Variants in NRXN1 observed in about 807,000 individuals in gnomAD.
The protein encoded by NRXN1 is neurexin-1.
A neutral mutation model predicts 150.9 loss-of-function variants in NRXN1; 39 were observed. That is an observed-to-expected ratio of 0.26 (90% CI 0.20 to 0.34). NRXN1 has a LOEUF of 0.34. Ranked by LOEUF, NRXN1 falls within the 10% of genes least tolerant of loss-of-function variation. The pLI is 1.00. For missense variants in NRXN1, 1,815 were observed against 1,949.9 expected (o/e 0.93, Z 1.30); for synonymous variants, 924 against 757.0 (o/e 1.22, Z -3.62).
chr2:50,939,758 C>T (rs1426981171), intron 2 of NRXN1, among the ~76,000 whole-genome samples: 2 of 152,128 alleles, frequency 1.3e-5, no homozygotes, highest in African/African-American at 4.8e-5. Flanking sequence ...CAATTATGCA[C>T]AACAGAAAAA....
At chr2:50,907,020 T>C (rs965145604) in intron 5 of NRXN1, among the ~76,000 whole-genome samples, 4 of 151,974 alleles carry the variant, frequency 2.6e-5, no homozygotes, top group African/African-American at 7.2e-5. Context: ...GCAACCAGAA[T>C]TGCATTTCTC....
At chr2:50,946,163 C>G (rs1168200330) in intron 2 of NRXN1, among the ~76,000 whole-genome samples, 5 of 151,952 alleles carry the variant, frequency 3.3e-5, no homozygotes, top group African/African-American at 7.3e-5. Flanking sequence ...ACCCAAGGTA[C>G]ACTAGTCATG....
chr2:50,366,587 G>A (rs1463401931), intron 17 of NRXN1, among the ~76,000 whole-genome samples: 3 of 151,956 alleles, frequency 2.0e-5, no homozygotes, highest in African/African-American at 7.2e-5. Context: ...TAGAGTGAGA[G>A]TGCCCTTGTG....
chr2:50,062,750 T>C (rs530799844), intron 19 of NRXN1, among the ~76,000 whole-genome samples: 10 of 152,326 alleles, frequency 6.6e-5, no homozygotes, highest in South Asian at 2.1e-4. Flanking sequence ...CACTGATGTA[T>C]AGTTTTTCTC....
intron 19 of NRXN1, among the ~76,000 whole-genome samples, chr2:50,075,134 CT>C (rs2152675065): frequency 1.3e-5 from 2 of 152,296 alleles, no homozygotes; most frequent in South Asian, 4.1e-4. Context: ...CAATTAAAAT[CT>C]GAAACAGACT....
Position 50,987,547 on chromosome 2 carries a change from A to C in NRXN1, c.772+39955T>G, listed in dbSNP as rs189527738. Among the ~76,000 whole-genome samples the C allele has an allele frequency of 9.9e-4, 151 of 152,066 alleles. 1 individual carries two copies. Among genetic ancestry groups the C allele is most frequent in the Middle Eastern group, 3.4e-3 (1 of 294 alleles). ...GGGTTATTACATCTGTGTGTGTCTAAAGTTTATTTAGGAAATCAGAATCTT... is the reference window on the plus strand; with the variant it reads ...GGGTTATTACATCTGTGTGTGTCTACAGTTTATTTAGGAAATCAGAATCTT... On this transcript the variant is annotated intron_variant, in intron 2 of 22. Transcript: ENST00000401669.
intron 15 of NRXN1, among the ~76,000 whole-genome samples, chr2:50,489,343 C>T (rs186096316): frequency 6.6e-6 from 1 of 152,172 alleles, no homozygotes; most frequent in Non-Finnish European, 1.5e-5. Flanking sequence ...GTGGCACTCT[C>T]GCTACCAATC....
chr2:50,088,928 C>T (rs1315009013), intron 19 of NRXN1, among the ~76,000 whole-genome samples: 1 of 152,044 alleles, frequency 6.6e-6, no homozygotes, highest in Middle Eastern at 3.2e-3. Flanking sequence ...GGCATATAGA[C>T]ATTTTTGAAA....
At position 50,212,472 on chromosome 2, in the gene NRXN1, T is replaced by C. The variant is rs561564920; in HGVS notation, c.3546+24317A>G. On this transcript the variant is annotated intron_variant, in intron 18 of 22. Transcript: ENST00000401669. ...GAGCATCGATTTGAGTCTGGTTTTTTTTTTCTCTCTTCTATACACAGCCTC... is the reference window on the plus strand; with the variant it reads ...GAGCATCGATTTGAGTCTGGTTTTTCTTTTCTCTCTTCTATACACAGCCTC... Among the ~76,000 whole-genome samples, 6 of 151,880 alleles carry C rather than the reference T, an allele frequency of 4.0e-5. No individual in the cohort carries two copies. In the East Asian group the frequency reaches 1.2e-3, roughly 29 times the overall value.
At chr2:50,199,558 A>G (rs1574457257) in intron 18 of NRXN1, among the ~76,000 whole-genome samples, 1 of 150,746 alleles carries the variant, frequency 6.6e-6, no homozygotes, top group Non-Finnish European at 1.5e-5. Flanking sequence ...ACACACACAC[A>G]CACACACACA....
intron 17 of NRXN1, among the ~76,000 whole-genome samples, chr2:50,317,944 T>G (rs2075741998): frequency 6.6e-6 from 1 of 152,014 alleles, no homozygotes; most frequent in African/African-American, 2.4e-5. Flanking sequence ...GAAAAGTATA[T>G]CTTAAACAGG....
At chr2:50,099,191 C>A (rs550701977) in intron 18 of NRXN1, among the ~76,000 whole-genome samples, 3 of 152,156 alleles carry the variant, frequency 2.0e-5, no homozygotes, top group African/African-American at 7.2e-5. Flanking sequence ...TCCTCCTCCA[C>A]ACACTGCCTT....
intron 18 of NRXN1, among the ~76,000 whole-genome samples, chr2:50,220,012 AT>A (rs1159444657): frequency 9.0e-6 from 1 of 111,374 alleles, no homozygotes; most frequent in Non-Finnish European, 1.7e-5. Context: ...TATATAATAT[AT>A]TATATATATA....
At chr2:50,149,920 G>A (rs1338149610) in intron 18 of NRXN1, among the ~76,000 whole-genome samples, 1 of 151,686 alleles carries the variant, frequency 6.6e-6, no homozygotes, top group Admixed American at 6.6e-5. Flanking sequence ...CTCACTGCCT[G>A]TATGTAGCCA....
chr2:50,605,141 T>C (rs1280230210), intron 8 of NRXN1, among the ~76,000 whole-genome samples: 2 of 152,228 alleles, frequency 1.3e-5, no homozygotes, highest in East Asian at 3.8e-4. Context: ...TAATTGAGTA[T>C]GTGTTTATCT....
chr2:50,929,141 C>A lies in NRXN1; in HGVS notation c.773-3186G>T, dbSNP rs184616272. ...AGCATCTTCACAAAATTTTTATCTT[C>A]GGCCCCCAGCTTATAAGAATGCAAG... On this transcript the variant is annotated intron_variant, in intron 2 of 22. Coordinates refer to ENST00000401669, the MANE Select transcript of NRXN1 (RefSeq NM_001330078.2). 3.4e-3 allele frequency among the ~76,000 whole-genome samples: 514 copies of A among 152,066 alleles called. 4 individuals are homozygous for A. Among genetic ancestry groups the A allele is most frequent in the Non-Finnish European group, 4.0e-3 (273 of 67,964 alleles).
intron 17 of NRXN1, among the ~76,000 whole-genome samples, chr2:50,383,896 C>T (rs764638891): frequency 1.3e-5 from 2 of 152,200 alleles, no homozygotes; most frequent in African/African-American, 2.4e-5. Context: ...TGGGAACTGG[C>T]AGCTAATCTT....
chr2:50,453,453 T>C (rs2087199222), intron 17 of NRXN1, among the ~76,000 whole-genome samples: 1 of 152,174 alleles, frequency 6.6e-6, no homozygotes, highest in Non-Finnish European at 1.5e-5. Context: ...TCTTGGAACT[T>C]ATTATTTAAA....
chr2:50,096,356 A>G (rs1228307413), intron 18 of NRXN1, among the ~76,000 whole-genome samples: 1 of 152,206 alleles, frequency 6.6e-6, no homozygotes, highest in Admixed American at 6.5e-5. Context: ...CTTACAACAC[A>G]ACCATCTCAT....
Sources: allele counts gnomAD v4.1 joint callset (sites outside exome capture counted in the v4.1 genomes callset), GRCh38; gene constraint gnomAD v4.1.1; transcripts MANE v1.5; gene names NCBI Gene and HGNC (gene_info 2026-07-23, HGNC 2026-07-21).